PALM2AKAP2: variants seen among roughly 807,000 people sequenced by gnomAD.
PALM2AKAP2 encodes the protein PALM2-AKAP2 fusion protein.
Under a neutral mutation model 71.5 loss-of-function variants are expected in PALM2AKAP2, and 37 were observed. That is an observed-to-expected ratio of 0.52 (90% CI 0.40 to 0.68). The LOEUF (loss-of-function observed/expected upper bound fraction) is 0.68. PALM2AKAP2 is among the 30% of genes least tolerant of loss of function. The probability of loss-of-function intolerance (pLI) is 0.00; values close to 1 mark genes in which losing one functional copy is unlikely to be tolerated. For missense variants in PALM2AKAP2, 1,224 were observed against 1,191.8 expected (o/e 1.03, Z -0.40); for synonymous variants, 468 against 478.8 (o/e 0.98, Z 0.29).
chr9:110,017,515 T>C (rs918183878), intron 7 of PALM2AKAP2, among the ~76,000 whole-genome samples: 28 of 152,224 alleles, frequency 1.8e-4, no homozygotes, highest in Non-Finnish European at 3.8e-4. Flanking sequence ...TATGACCACA[T>C]TGGACGAAGG....
chr9:109,842,465 G>C (rs2131591297), intron 1 of PALM2AKAP2, among the ~76,000 whole-genome samples: 1 of 152,272 alleles, frequency 6.6e-6, no homozygotes, highest in South Asian at 2.1e-4. Flanking sequence ...GGTGAGGCGG[G>C]TACGCAGAAT....
chr9:109,980,448 A>G (rs1832250209), intron 6 of PALM2AKAP2, among the ~76,000 whole-genome samples: 1 of 152,196 alleles, frequency 6.6e-6, no homozygotes, highest in Admixed American at 6.5e-5. Flanking sequence ...AGAGCTCTGC[A>G]TGCTCCTTTT....
rs1827341832 is a variant in PALM2AKAP2, at chr9:109,658,492, G to A, written c.5+17626G>A. On this transcript the variant is annotated intron_variant, in intron 1 of 6. Coordinates refer to the PALM2AKAP2 transcript ENST00000374531. ...TTTAGGAATAATGAGTTTAGCACAT[G>A]AGTGTCCGTACATAATAAAAAACTC... Among the ~76,000 whole-genome samples the A allele has an allele frequency of 2.0e-5, 3 of 152,142 alleles. No homozygotes were observed. In the South Asian group the frequency reaches 6.2e-4, roughly 31 times the overall value.
intron 3 of PALM2AKAP2, among the ~76,000 whole-genome samples, chr9:109,902,837 A>G (rs1386057565): frequency 6.6e-6 from 1 of 152,130 alleles, no homozygotes; most frequent in African/African-American, 2.4e-5. Flanking sequence ...GAACACATCT[A>G]TGCCCTTCTG....
intron 4 of PALM2AKAP2, 132 bp downstream of exon 4, chr9:109,923,981 G>A (rs1830895175): frequency 3.1e-6 from 3 of 968,592 alleles, no homozygotes; most frequent in South Asian, 3.6e-5. Context: ...TGAAATGAGG[G>A]GCAGATGTGT....
intron 1 of PALM2AKAP2, among the ~76,000 whole-genome samples, chr9:109,858,847 C>T (rs1008699334): frequency 2.6e-5 from 4 of 152,144 alleles, no homozygotes; most frequent in African/African-American, 9.7e-5. Context: ...AAGTGAAGCA[C>T]TCCTAGCAAA....
chr9:109,663,936 A>G (rs1020735096), intron 1 of PALM2AKAP2, among the ~76,000 whole-genome samples: 5 of 152,134 alleles, frequency 3.3e-5, no homozygotes, highest in African/African-American at 9.7e-5. Flanking sequence ...CTTTACCATT[A>G]TGTAATGGCC....
chr9:109,650,874 C>G (rs1274140544), intron 1 of PALM2AKAP2, among the ~76,000 whole-genome samples: 1 of 152,078 alleles, frequency 6.6e-6, no homozygotes, highest in Admixed American at 6.5e-5. Flanking sequence ...TAGTAACTAC[C>G]AAATGTCATT....
chr9:110,127,478 TGCTCGGGGGATGGAA>T (rs1056288610), intron 1 of PALM2AKAP2, among the ~76,000 whole-genome samples: 1 of 152,112 alleles, frequency 6.6e-6, no homozygotes, highest in African/African-American at 2.4e-5. Flanking sequence ...GAAGAAGCTC[TGCTCGGGGGATGGAA>T]GAGGAAAGCC....
intron 1 of PALM2AKAP2, among the ~76,000 whole-genome samples, chr9:109,754,631 G>A (rs1376894626): frequency 6.6e-6 from 1 of 152,104 alleles, no homozygotes; most frequent in East Asian, 1.9e-4. Context: ...TCACAGTTGT[G>A]GAGGCTGGGA....
At chr9:109,889,354 C>T (rs1040818837) in intron 3 of PALM2AKAP2, among the ~76,000 whole-genome samples, 3 of 152,230 alleles carry the variant, frequency 2.0e-5, no homozygotes, top group African/African-American at 4.8e-5. Flanking sequence ...TTGCAATGAA[C>T]GTAATGAGTG....
At chr9:109,866,790 A>G (rs576773737) in intron 1 of PALM2AKAP2, among the ~76,000 whole-genome samples, 110 of 152,296 alleles carry the variant, frequency 7.2e-4, no homozygotes, top group South Asian at 4.1e-3. Context: ...CCAGGGAGGT[A>G]GAAGAACTTG....
At chr9:109,885,137 T>C (rs1230153784) in intron 3 of PALM2AKAP2, among the ~76,000 whole-genome samples, 4 of 152,232 alleles carry the variant, frequency 2.6e-5, no homozygotes, top group Non-Finnish European at 4.4e-5. Context: ...CTGTGATTCT[T>C]TACAGTGCCA....
intron 1 of PALM2AKAP2, among the ~76,000 whole-genome samples, chr9:109,685,591 T>C (rs1000267684): frequency 6.6e-6 from 1 of 152,174 alleles, no homozygotes; most frequent in African/African-American, 2.4e-5. Context: ...ATATATATAT[T>C]TACACACATA....
chr9:110,029,848 C>T (rs910078941), intron 7 of PALM2AKAP2, among the ~76,000 whole-genome samples: 1 of 152,146 alleles, frequency 6.6e-6, no homozygotes, highest in Admixed American at 6.5e-5. Flanking sequence ...CCATTCATGT[C>T]CCTGAGGGTT....
chr9:110,005,767 A>C (rs531739607), intron 6 of PALM2AKAP2, among the ~76,000 whole-genome samples: 13 of 152,078 alleles, frequency 8.5e-5, no homozygotes, highest in Non-Finnish European at 1.3e-4. Context: ...TTGCAGTTTG[A>C]TCTCAGACTG....
intron 5 of PALM2AKAP2, among the ~76,000 whole-genome samples, chr9:109,926,259 CAAA>C (rs1830954211): frequency 2.6e-5 from 4 of 152,154 alleles, no homozygotes; most frequent in African/African-American, 9.7e-5. Flanking sequence ...AACAAACAAA[CAAA>C]CAAACCTGTG....
chr9:109,986,025 A>G (rs1361023982), intron 6 of PALM2AKAP2, among the ~76,000 whole-genome samples: 2 of 152,198 alleles, frequency 1.3e-5, no homozygotes, highest in African/African-American at 4.8e-5. Context: ...AACTGGCTCC[A>G]ACTGCTAATA....
intron 1 of PALM2AKAP2, among the ~76,000 whole-genome samples, chr9:109,649,641 C>T (rs1438789293): frequency 6.6e-6 from 1 of 152,104 alleles, no homozygotes; most frequent in East Asian, 1.9e-4. Context: ...AAAATAATAA[C>T]TCTGCATATA....
Sources: gnomAD v4.1 joint callset for allele counts (sites outside exome capture counted in the v4.1 genomes callset) on GRCh38, gnomAD v4.1.1 for gene constraint, MANE v1.5 for transcripts, NCBI Gene and HGNC (gene_info 2026-07-23, HGNC 2026-07-21) for gene names.